LIMCH1: variants seen among roughly 807,000 people sequenced by gnomAD.
The protein encoded by LIMCH1 is LIM and calponin homology domains 1, also known as LIM and calponin homology domains-containing protein 1.
In LIMCH1, 113 loss-of-function variants were observed where a neutral mutation model predicts 176.5. The ratio of observed to expected loss-of-function variants is 0.64; its 90% CI spans 0.55 to 0.75. The LOEUF is 0.75. Among genes scored for constraint, LIMCH1 ranks in the 30% least tolerant of loss-of-function variants. LIMCH1 has a pLI of 0.00. For missense variants in LIMCH1, 1,674 were observed against 1,814.9 expected (o/e 0.92, Z 1.41); for synonymous variants, 619 against 645.9 (o/e 0.96, Z 0.63).
chr4:41,537,641 G>A (rs79417239), upstream of LIMCH1, among the ~76,000 whole-genome samples: 3,974 of 152,158 alleles, frequency 0.026, 71 homozygotes, highest in East Asian at 0.099. Context: ...TCATCTATAA[G>A]ATGGGGTTGA....
chr4:41,495,449 G>C (rs917033003), intron 2 of LIMCH1, among the ~76,000 whole-genome samples: 1 of 152,132 alleles, frequency 6.6e-6, no homozygotes, highest in African/African-American at 2.4e-5. Flanking sequence ...AGCCCCTGGA[G>C]ACAAGCACTG....
At chr4:41,613,702 A>G in intron 5 of LIMCH1, 41 bp downstream of exon 5, 1 of 1,568,768 alleles carries the variant, frequency 6.4e-7, no homozygotes, top group Non-Finnish European at 8.8e-7. Flanking sequence ...TTGAAATTAA[A>G]CATTTGCAGG....
chr4:41,392,986 C>T (rs1335426054), intron 1 of LIMCH1, among the ~76,000 whole-genome samples: 1 of 151,980 alleles, frequency 6.6e-6, no homozygotes, highest in Non-Finnish European at 1.5e-5. Flanking sequence ...GCCAAGATCG[C>T]GCCGCTGCAC....
At chr4:41,687,443 T>G (rs954609930) in intron 28 of LIMCH1, among the ~76,000 whole-genome samples, 2 of 152,188 alleles carry the variant, frequency 1.3e-5, no homozygotes, top group African/African-American at 4.8e-5. Context: ...TCCCTCCTCA[T>G]CTTTCCCCTT....
intron 18 of LIMCH1, among the ~76,000 whole-genome samples, chr4:41,660,485 A>C (rs2094582597): frequency 6.6e-6 from 1 of 152,228 alleles, no homozygotes. Context: ...AAGAAAGGCA[A>C]ACCTGGAGTC....
At chr4:41,612,891 A>C (rs2091612549) in intron 4 of LIMCH1, 4 of 1,410,762 alleles carry the variant, frequency 2.8e-6, no homozygotes, top group Non-Finnish European at 2.8e-6. Context: ...TCAGAAAGAC[A>C]GCTCCCTTTC....
At chr4:41,623,537 C>A (rs917516598) in intron 7 of LIMCH1, among the ~76,000 whole-genome samples, 1 of 152,074 alleles carries the variant, frequency 6.6e-6, no homozygotes, top group African/African-American at 2.4e-5. Context: ...GCGGGCGGAT[C>A]ACTTGAGGTC....
intron 14 of LIMCH1, among the ~76,000 whole-genome samples, chr4:41,642,555 C>T (rs183674798): frequency 6.6e-6 from 1 of 151,452 alleles, no homozygotes; most frequent in African/African-American, 2.4e-5. Context: ...TTCTTTCATT[C>T]TTTATTTTAT....
intron 1 of LIMCH1, among the ~76,000 whole-genome samples, chr4:41,403,387 C>A (rs1230355796): frequency 6.6e-6 from 1 of 152,046 alleles, no homozygotes; most frequent in Non-Finnish European, 1.5e-5. Flanking sequence ...TCAAGACCAG[C>A]CTGGTCAACA....
chr4:41,664,060 A>C (rs751662857), intron 20 of LIMCH1, among the ~76,000 whole-genome samples: 1 of 151,672 alleles, frequency 6.6e-6, no homozygotes, highest in Non-Finnish European at 1.5e-5. Flanking sequence ...AAACAAAACA[A>C]TCCAAGCCCA....
At chr4:41,615,089 G>GTGCCCCCCACACTA (rs1014920811) in intron 5 of LIMCH1, among the ~76,000 whole-genome samples, 4 of 152,144 alleles carry the variant, frequency 2.6e-5, no homozygotes, top group Admixed American at 6.5e-5. Flanking sequence ...GTCATTTTAA[G>GTGCCCCCCACACTA]TGCCCCCCAC....
chr4:41,627,639 G>A (rs377231887), intron 8 of LIMCH1, among the ~76,000 whole-genome samples: 10 of 152,166 alleles, frequency 6.6e-5, no homozygotes, highest in South Asian at 4.2e-4. Context: ...CATTTTCCCC[G>A]TCCTCTTAAT....
chr4:41,397,057 A>T (rs927855125), intron 1 of LIMCH1, among the ~76,000 whole-genome samples: 1 of 152,184 alleles, frequency 6.6e-6, no homozygotes, highest in Admixed American at 6.5e-5. Flanking sequence ...TAAGCCACTC[A>T]TGGCATTCCT....
intron 22 of LIMCH1, 46 bp downstream of exon 22, chr4:41,671,640 T>G (rs936383447): frequency 1.4e-6 from 2 of 1,387,490 alleles, no homozygotes; most frequent in Admixed American, 1.7e-5. Flanking sequence ...TAGTGTGATT[T>G]TAATTTATAA....
chr4:41,509,661 G>T (rs2074609477), intron 2 of LIMCH1, among the ~76,000 whole-genome samples: 2 of 152,330 alleles, frequency 1.3e-5, no homozygotes, highest in East Asian at 1.9e-4. Context: ...GCCTGGCTTA[G>T]GTGGGGGCTT....
chr4:41,571,462 CTGAGAG>C (rs2083551935), intron 1 of LIMCH1, among the ~76,000 whole-genome samples: 1 of 152,000 alleles, frequency 6.6e-6, no homozygotes, highest in African/African-American at 2.4e-5. Flanking sequence ...GCAAGGATGT[CTGAGAG>C]TAAGTGGGAG....
chr4:41,477,346 A>T (rs1288157396), intron 1 of LIMCH1, among the ~76,000 whole-genome samples: 2 of 151,678 alleles, frequency 1.3e-5, no homozygotes, highest in African/African-American at 2.4e-5. Flanking sequence ...GGAAAACAGG[A>T]CTCTTCCTTC....
chr4:41,460,459 TA>T (rs768406756), intron 1 of LIMCH1, among the ~76,000 whole-genome samples: 1,698 of 102,718 alleles, frequency 0.017, 137 homozygotes, highest in African/African-American at 0.076. Context: ...AGTAATCATC[TA>T]TATATATATA....
chr4:41,620,757 G>C, intron 7 of LIMCH1, 67 bp downstream of exon 7: 1 of 1,446,016 alleles, frequency 6.9e-7, no homozygotes, highest in Non-Finnish European at 9.1e-7. Flanking sequence ...AATCTGTCTA[G>C]AGAGTTGGAG....
Sources: gnomAD v4.1 joint callset for allele counts (sites outside exome capture counted in the v4.1 genomes callset) on GRCh38, gnomAD v4.1.1 for gene constraint, MANE v1.5 for transcripts, NCBI Gene and HGNC (gene_info 2026-07-23, HGNC 2026-07-21) for gene names.